Variants in CERS6 observed in about 807,000 individuals in gnomAD.
CERS6 encodes ceramide synthase 6, also known as LAG1 homolog, ceramide synthase 6.
Under a neutral mutation model 56.8 loss-of-function variants are expected in CERS6, and 26 were observed. The ratio of observed to expected loss-of-function variants is 0.46; its 90% confidence interval spans 0.34 to 0.63. The LOEUF (loss-of-function observed/expected upper bound fraction) is 0.63. Ranked by LOEUF, CERS6 falls within the 30% of genes least tolerant of loss-of-function variation. The pLI is 0.01. For missense variants in CERS6, 415 were observed against 467.5 expected (o/e 0.89, Z 1.04); for synonymous variants, 164 against 173.3 (o/e 0.95, Z 0.42).
chr2:168,759,807 AC>A (rs1288076626), intron 8 of CERS6, among the ~76,000 whole-genome samples: 1 of 152,108 alleles, frequency 6.6e-6, no homozygotes, highest in Non-Finnish European at 1.5e-5. Flanking sequence ...TAAATAAGAT[AC>A]TTAAGGCCAT....
chr2:168,598,023 G>A (rs550989633), intron 3 of CERS6, among the ~76,000 whole-genome samples: 3 of 152,112 alleles, frequency 2.0e-5, no homozygotes, highest in Non-Finnish European at 4.4e-5. Context: ...GATCTTCCAC[G>A]TGTAACTCTT....
In CERS6 at chr2:168,456,701, C is replaced by T. The variant is rs1558955820; in HGVS notation, c.170+83C>T. On this transcript the variant is annotated intron_variant, in intron 1 of 9. Transcript: ENST00000305747. The surrounding 1 kb of genome is among the most constrained non-coding windows in gnomAD (Gnocchi z 4.1). ...ACTCGCGCGCTCTCTGGCGCACGCCCCCGCGCCCCCAACGCTCGCGTTCAC... is the reference window on the plus strand; with the variant it reads ...ACTCGCGCGCTCTCTGGCGCACGCCTCCGCGCCCCCAACGCTCGCGTTCAC... 7.3e-7 allele frequency: 1 copy of T among 1,371,556 alleles called. No individual in the cohort carries two copies. Among genetic ancestry groups the T allele is most frequent in the Non-Finnish European group, 1.0e-6 (1 of 995,034 alleles). The allele number at this position is 1,371,556 out of a possible 1,614,324, so 85.0% of individuals were successfully genotyped here.
intron 4 of CERS6, among the ~76,000 whole-genome samples, chr2:168,659,117 TTTC>T (rs1685564166): frequency 6.6e-6 from 1 of 152,260 alleles, no homozygotes; most frequent in Non-Finnish European, 1.5e-5. Flanking sequence ...CATTATAAAT[TTTC>T]TTCTTTACAG....
intron 2 of CERS6, among the ~76,000 whole-genome samples, chr2:168,553,946 A>T (rs1465360505): frequency 6.6e-6 from 1 of 152,194 alleles, no homozygotes; most frequent in African/African-American, 2.4e-5. Flanking sequence ...GCAAATCATT[A>T]CAAGTATACG....
Position 168,769,430 on chromosome 2 carries a change from A to G in CERS6, c.1003-80A>G, listed in dbSNP as rs530196124. 20 of 1,282,736 alleles carry G rather than the reference A, an allele frequency of 1.6e-5. 1 individual carries two copies. In the Admixed American group the frequency reaches 4.2e-4, roughly 27 times the overall value. 79.5% of individuals were successfully genotyped at this position (1,282,736 alleles called of 1,614,324 possible). The stretch of plus-strand genomic sequence containing the variant: ...CATTGGGATCTGTTTCCCCTTGTGT[A>G]TGACTGCATGTGCTTCTAGCATGCC... On this transcript the variant is annotated intron_variant, in intron 9 of 9. Transcript: ENST00000305747.
At chr2:168,690,986 T>G in intron 4 of CERS6, 48 bp from the exon 5 acceptor site, 1 of 1,540,990 alleles carries the variant, frequency 6.5e-7, no homozygotes, top group South Asian at 1.1e-5. Context: ...TTTTATCCTC[T>G]TATCCATGTT....
At chr2:168,538,330 G>A (rs991889112) in intron 1 of CERS6, among the ~76,000 whole-genome samples, 1 of 150,958 alleles carries the variant, frequency 6.6e-6, no homozygotes, top group Admixed American at 6.6e-5. Context: ...CATTCCTCCT[G>A]TACTGGCTAA....
intron 1 of CERS6, among the ~76,000 whole-genome samples, chr2:168,520,570 C>A (rs1463097935): frequency 8.1e-6 from 1 of 123,708 alleles, no homozygotes; most frequent in Non-Finnish European, 1.7e-5. Context: ...TAAATTCTTA[C>A]ATTTAACTCT....
chr2:168,587,373 T>G (rs139134339), intron 3 of CERS6, among the ~76,000 whole-genome samples: 4 of 152,326 alleles, frequency 2.6e-5, no homozygotes, highest in African/African-American at 9.6e-5. Flanking sequence ...TGGTAGTTAC[T>G]GAACAGGGTA....
In CERS6 at chr2:168,769,428, G is replaced by A. The variant is rs1187536639; in HGVS notation, c.1003-82G>A. The A allele has an allele frequency of 1.5e-5, 19 of 1,266,532 alleles. No individual in the cohort carries two copies. The Admixed American group carries it at 4.0e-4, about 26-fold the overall frequency. The allele number at this position is 1,266,532 out of a possible 1,614,324, so 78.5% of individuals were successfully genotyped here. A position where few individuals can be genotyped will look rare whatever the true frequency, so the allele number is the denominator to read the frequency against. On this transcript the variant is annotated intron_variant, in intron 9 of 9. Transcript: ENST00000305747. ...AACATTGGGATCTGTTTCCCCTTGT[G>A]TATGACTGCATGTGCTTCTAGCATG... is the stretch of plus-strand genomic sequence containing the variant.
chr2:168,728,366 GA>G (rs571462636), intron 8 of CERS6, among the ~76,000 whole-genome samples: 75 of 137,844 alleles, frequency 5.4e-4, no homozygotes, highest in Middle Eastern at 3.8e-3. Context: ...CACGTTAGGG[GA>G]AAAAAAAAAT....
In CERS6 at chr2:168,730,412, C is replaced by T. The variant is rs528196122; in HGVS notation, c.845+12434C>T. Among the ~76,000 whole-genome samples the T allele has an allele frequency of 7.9e-5, 12 of 152,266 alleles. No homozygotes were observed. In the South Asian group the frequency reaches 8.3e-4, roughly 11 times the overall value. On this transcript the variant is annotated intron_variant, in intron 8 of 9. Transcript: ENST00000305747. ...GCCTGGTCTGAGGCTTTGATGATTGCGTGTTGTATGTTGGCTCCTGAGTGA... is the reference window on the plus strand; with the variant it reads ...GCCTGGTCTGAGGCTTTGATGATTGTGTGTTGTATGTTGGCTCCTGAGTGA...
chr2:168,482,393 T>C (rs961893734), intron 1 of CERS6, among the ~76,000 whole-genome samples: 20 of 152,236 alleles, frequency 1.3e-4, no homozygotes. Context: ...GTGGGTTGTG[T>C]AGCCATAGAA....
At chr2:168,711,567 C>T (rs1476533707) in intron 6 of CERS6, among the ~76,000 whole-genome samples, 1 of 151,930 alleles carries the variant, frequency 6.6e-6, no homozygotes, top group African/African-American at 2.4e-5. Flanking sequence ...AACCCCGTCT[C>T]AACCGAAAAT....
Position 168,551,501 on chromosome 2 carries a change from C to CTT in CERS6, c.276+3802_276+3803dup, listed in dbSNP as rs150431231. 4.0e-3 allele frequency among the ~76,000 whole-genome samples: 607 copies of CTT among 152,282 alleles called. 3 individuals carry two copies. The highest frequency in any genetic ancestry group is 0.014 in the African/African-American group (590 of 41,550). On this transcript the variant is annotated intron_variant, in intron 2 of 9. Coordinates refer to ENST00000305747, the MANE Select transcript of CERS6 (RefSeq NM_203463.3). ...CTGCAGATAGCTCATATGTAAAAAT[C>CTT]TTTGAATAACCGTCTCACAGGCGTT...
intron 4 of CERS6, among the ~76,000 whole-genome samples, chr2:168,656,527 C>T (rs1033708695): frequency 6.6e-6 from 1 of 151,692 alleles, no homozygotes; most frequent in East Asian, 1.9e-4. Context: ...AGCTGCAGAC[C>T]TTCGCGGTGA....
intron 5 of CERS6, among the ~76,000 whole-genome samples, chr2:168,693,777 G>A (rs1331916098): frequency 2.0e-5 from 3 of 152,070 alleles, no homozygotes; most frequent in South Asian, 2.1e-4. Flanking sequence ...TCCAAATACC[G>A]TCACATTGGG....
chr2:168,676,787 C>T (rs1239787226), intron 4 of CERS6, among the ~76,000 whole-genome samples: 2 of 152,208 alleles, frequency 1.3e-5, no homozygotes, highest in African/African-American at 4.8e-5. Flanking sequence ...ACTTCTCATT[C>T]CATCATCTGG....
At chr2:168,528,407 G>A (rs1695107265) in intron 1 of CERS6, among the ~76,000 whole-genome samples, 1 of 152,184 alleles carries the variant, frequency 6.6e-6, no homozygotes, top group African/African-American at 2.4e-5. Flanking sequence ...AGGGCTGGTG[G>A]CTGTTCCTAC....
Sources: allele counts gnomAD v4.1 joint callset (sites outside exome capture counted in the v4.1 genomes callset), GRCh38; gene constraint gnomAD v4.1.1; non-coding constraint Gnocchi (gnomAD v3.1); transcripts MANE v1.5; gene names NCBI Gene and HGNC (gene_info 2026-07-23, HGNC 2026-07-21).